SPEN: variants seen among roughly 807,000 people sequenced by gnomAD.
The protein encoded by SPEN is spen family transcriptional repressor.
SPEN carries 18 observed loss-of-function variants against 269.9 expected under a neutral mutation model. That is an observed-to-expected ratio of 0.07 (90% CI 0.05 to 0.10). The LOEUF is 0.10. Among genes scored for constraint, SPEN ranks in the 10% least tolerant of loss-of-function variants. The pLI is 1.00. For synonymous variants in SPEN, 1,726 were observed against 1,765.7 expected (o/e 0.98, Z 0.56); for missense variants, 3,822 against 4,631.2 (o/e 0.83, Z 5.07).
chr1:15,857,191 A>G (rs1009976547), intron 1 of SPEN, among the ~76,000 whole-genome samples: 6 of 151,758 alleles, frequency 4.0e-5, no homozygotes, highest in Non-Finnish European at 8.8e-5. Flanking sequence ...TAGCTTTCCA[A>G]GTAGCTAGGA....
chr1:15,849,616 G>C (rs931815626), intron 1 of SPEN, among the ~76,000 whole-genome samples: 20 of 151,942 alleles, frequency 1.3e-4, no homozygotes, highest in African/African-American at 4.4e-4. Context: ...GAAACCAGGC[G>C]GGGGCGGGGG....
intron 3 of SPEN, among the ~76,000 whole-genome samples, chr1:15,882,168 A>G (rs916654482): frequency 1.3e-5 from 2 of 152,156 alleles, no homozygotes; most frequent in South Asian, 2.1e-4. Flanking sequence ...TCATGGCTCC[A>G]TGTGCTGCTA....
intron 10 of SPEN, among the ~76,000 whole-genome samples, chr1:15,926,479 C>T (rs945171046): frequency 6.6e-6 from 1 of 150,884 alleles, no homozygotes; most frequent in African/African-American, 2.5e-5. Flanking sequence ...AATGTGTTAT[C>T]GATGCTTCCA....
chr1:15,852,219 C>T (rs547402395), intron 1 of SPEN, among the ~76,000 whole-genome samples: 10 of 152,106 alleles, frequency 6.6e-5, no homozygotes, highest in South Asian at 4.1e-4. Flanking sequence ...ATCATTGTTA[C>T]GTCGCTTCTT....
chr1:15,851,033 A>G (rs1407413919), intron 1 of SPEN, among the ~76,000 whole-genome samples: 3 of 152,234 alleles, frequency 2.0e-5, no homozygotes, highest in Non-Finnish European at 4.4e-5. Flanking sequence ...TGCATTTTAC[A>G]AAAAGATTAA....
chr1:15,848,118 G>A lies in SPEN; in HGVS notation c.51G>A (p.Val17=). The A allele has an allele frequency of 6.7e-7, 1 of 1,502,474 alleles. No homozygotes were observed. The highest frequency in any genetic ancestry group is 1.2e-5 in the South Asian group (1 of 80,282). 93.1% of individuals were successfully genotyped at this position (1,502,474 alleles called of 1,614,324 possible). ...GGGTGGGCAACTTACCCGAGAACGT[G>A]CGGGAAGAGAAGATCATCGAGCATT... ...HLWVGNLPEN[V]REEKIIEHFK... Residue 17 remains valine (V), a synonymous_variant, in exon 1 of 15, where the codon GTG becomes GTA. Transcript: ENST00000375759. This position sits in a 1 kb window ranked among gnomAD's most constrained non-coding sequence, Gnocchi z 5.1.
chr1:15,915,200 G>A (rs1036607778), intron 5 of SPEN, among the ~76,000 whole-genome samples: 1 of 152,152 alleles, frequency 6.6e-6, no homozygotes, highest in African/African-American at 2.4e-5. Flanking sequence ...ATCTATTTCT[G>A]TGTCAGTGAT....
At chr1:15,850,244 T>C (rs574026820) in intron 1 of SPEN, among the ~76,000 whole-genome samples, 6 of 152,236 alleles carry the variant, frequency 3.9e-5, no homozygotes, top group Non-Finnish European at 7.4e-5. Flanking sequence ...TGGAGGAACA[T>C]TACTGTATTA....
rs751694014 is a variant in SPEN at position 15,874,424 on chromosome 1, G to A, written c.404+1288G>A. 9 of 1,328,234 alleles carry A rather than the reference G, an allele frequency of 6.8e-6. No individual in the cohort carries two copies. In the Admixed American group the frequency reaches 8.9e-5, roughly 13 times the overall value. 82.3% of individuals were successfully genotyped at this position (1,328,234 alleles called of 1,614,324 possible). A position where few individuals can be genotyped will look rare whatever the true frequency, so the allele number is the denominator to read the frequency against. On this transcript the variant is annotated intron_variant, in intron 2 of 14. Coordinates refer to ENST00000375759, the MANE Select transcript of SPEN (RefSeq NM_015001.3). ...GGTATGTCCTGACCTGTGTATATTA[G>A]CCCCTCTCCTAACCCAAGTCAAACT...
chr1:15,893,129 C>G (rs2070805955), intron 3 of SPEN, among the ~76,000 whole-genome samples: 1 of 152,160 alleles, frequency 6.6e-6, no homozygotes, highest in East Asian at 1.9e-4. Flanking sequence ...AAAACACTTT[C>G]ATCTGATGAT....
chr1:15,929,460 G>A lies in SPEN; in HGVS notation c.3220G>A (p.Val1074Ile). Residue 1074 changes from valine (V) to isoleucine (I), a missense_variant, in exon 11 of 15, where the codon GTT becomes ATT. Physicochemically the swap from Val to Ile is conservative, Grantham distance 29. Transcript: ENST00000375759. The surrounding 1 kb of genome is among the most constrained non-coding windows in gnomAD (Gnocchi z 5.8). ...KDCQELASIS[V>I]GSGSRPSSDL... ...CTGTCAGGAGCTTGCCAGTATTTCT[G>A]TTGGGTCTGGCTCAAGGCCCAGCTC... 6.2e-7 allele frequency: 1 copy of A among 1,613,418 alleles called. No individual in the cohort carries two copies. Among genetic ancestry groups the A allele is most frequent in the Non-Finnish European group, 8.5e-7 (1 of 1,179,684 alleles).
Position 15,939,717 on chromosome 1 carries a change from G to A in SPEN, c.*290G>A, listed in dbSNP as rs980087203. ...TTCCTCTTTTTGGAGAAAAGGAACA[G>A]GGCAGTGGAATGAAAATTTTTTGTT... On this transcript the variant is annotated 3_prime_UTR_variant, in exon 15 of 15. Transcript: ENST00000375759. This position sits in a 1 kb window ranked among gnomAD's most constrained non-coding sequence, Gnocchi z 4.1. The A allele has an allele frequency of 3.2e-6, 1 of 309,064 alleles. No homozygotes were observed. The highest frequency in any genetic ancestry group is 2.1e-5 in the African/African-American group (1 of 47,240). 19.1% of individuals were successfully genotyped at this position (309,064 alleles called of 1,614,324 possible).
intron 8 of SPEN, among the ~76,000 whole-genome samples, chr1:15,920,385 T>C (rs2071107026): frequency 6.6e-6 from 1 of 152,214 alleles, no homozygotes; most frequent in African/African-American, 2.4e-5. Flanking sequence ...ATGTAGCTTT[T>C]GTTGTTTAGA....
In SPEN at chr1:15,847,926, C is replaced by A. The variant is rs912408134; in HGVS notation, c.-142C>A. 7.7e-5 allele frequency: 27 copies of A among 349,364 alleles called. No homozygotes were observed. The highest frequency in any genetic ancestry group is 1.0e-4 in the Non-Finnish European group (20 of 197,046). 21.6% of individuals were successfully genotyped at this position (349,364 alleles called of 1,614,324 possible). A position where few individuals can be genotyped will look rare whatever the true frequency, so the allele number is the denominator to read the frequency against. ...GGGATGGTCTCTGCACGGGGGGGAG[C>A]CGGAGGAGCCGCCGCCGCTGCCGAC... On this transcript the variant is annotated 5_prime_UTR_variant, in exon 1 of 15. Transcript: ENST00000375759.
chr1:15,933,895 C>G lies in SPEN; in HGVS notation c.7655C>G (p.Thr2552Arg). The change falls in exon 11 of 15, where the codon ACA (threonine) becomes AGA (arginine). Residue 2552 changes from threonine to arginine, a missense_variant. This residue lies in a region of SPEN where 727 missense variants were observed against 737.9 expected (regional missense o/e 0.99). Transcript: ENST00000375759. This position sits in a 1 kb window ranked among gnomAD's most constrained non-coding sequence, Gnocchi z 5.7. ...GTGTCTGCCACAAGTGTCACTTCCACAAGTGTCACCACAGCCATTGCAGAG... is the reference window on the plus strand; with the variant it reads ...GTGTCTGCCACAAGTGTCACTTCCAGAAGTGTCACCACAGCCATTGCAGAG... The part of the protein sequence containing the change: ...KYVSATSVTS[T>R]SVTTAIAEPV... 1 of 1,614,020 alleles carries G rather than the reference C, an allele frequency of 6.2e-7. No individual in the cohort carries two copies. The highest frequency in any genetic ancestry group is 8.5e-7 in the Non-Finnish European group (1 of 1,180,042).
At chr1:15,925,860 G>A (rs190905420) in intron 10 of SPEN, among the ~76,000 whole-genome samples, 1 of 152,250 alleles carries the variant, frequency 6.6e-6, no homozygotes, top group East Asian at 1.9e-4. Context: ...ATATTAGAAG[G>A]TATATAATGT....
chr1:15,897,819 A>G (rs1344666811), intron 3 of SPEN, among the ~76,000 whole-genome samples: 2 of 152,134 alleles, frequency 1.3e-5, no homozygotes, highest in Admixed American at 6.6e-5. Context: ...TTTTTAATGT[A>G]TCAACACAGC....
At chr1:15,863,392 A>G (rs970006825) in intron 1 of SPEN, among the ~76,000 whole-genome samples, 4 of 152,134 alleles carry the variant, frequency 2.6e-5, no homozygotes, top group African/African-American at 9.7e-5. Context: ...AGGAGTTGTA[A>G]TTATCAAGTT....
chr1:15,860,154 G>A (rs959104399), intron 1 of SPEN, among the ~76,000 whole-genome samples: 5 of 151,588 alleles, frequency 3.3e-5, no homozygotes, highest in African/African-American at 7.3e-5. Flanking sequence ...CTCGTGATCC[G>A]CCCGCCTCGG....
Sources: allele counts gnomAD v4.1 joint callset (sites outside exome capture counted in the v4.1 genomes callset), GRCh38; gene constraint gnomAD v4.1.1; regional missense constraint gnomAD v4.1.1; non-coding constraint Gnocchi (gnomAD v3.1); transcripts MANE v1.5; gene names NCBI Gene and HGNC (gene_info 2026-07-23, HGNC 2026-07-21).